The following PARP8 variants were observed in gnomAD, a reference collection of about 807,000 sequenced individuals.
The protein encoded by PARP8 is poly(ADP-ribose) polymerase family member 8.
PARP8 carries 51 observed loss-of-function variants against 124.1 expected under a neutral mutation model. The observed-to-expected ratio is 0.41, with a 90% CI of 0.33 to 0.52. PARP8 has a LOEUF of 0.52. Among genes scored for constraint, PARP8 ranks in the 20% least tolerant of loss-of-function variants. The pLI is 0.21. For missense variants in PARP8, 860 were observed against 1,018.9 expected (o/e 0.84, Z 2.12); for synonymous variants, 391 against 361.5 (o/e 1.08, Z -0.93).
intron 14 of PARP8, among the ~76,000 whole-genome samples, chr5:50,799,177 C>G (rs1742908978): frequency 1.3e-5 from 2 of 152,092 alleles, no homozygotes; most frequent in Admixed American, 1.3e-4. Context: ...CTTATGTTTC[C>G]CTCTAAGAAT....
chr5:50,715,860 T>C (rs968059614), intron 2 of PARP8, among the ~76,000 whole-genome samples: 1 of 151,914 alleles, frequency 6.6e-6, no homozygotes, highest in African/African-American at 2.4e-5. Flanking sequence ...ATAACCTTTT[T>C]TAAAAAAATA....
At chr5:50,796,075 T>C (rs1742514301) in intron 12 of PARP8, among the ~76,000 whole-genome samples, 1 of 152,240 alleles carries the variant, frequency 6.6e-6, no homozygotes, top group South Asian at 2.1e-4. Context: ...ATCGCTAGCA[T>C]GATTGGCATG....
chr5:50,713,652 A>T (rs1326996808), intron 2 of PARP8, among the ~76,000 whole-genome samples: 1 of 152,038 alleles, frequency 6.6e-6, no homozygotes, highest in Non-Finnish European at 1.5e-5. Flanking sequence ...GGAACTTGTG[A>T]ACATATTACC....
intron 2 of PARP8, among the ~76,000 whole-genome samples, chr5:50,703,904 TA>T (rs907807079): frequency 2.6e-5 from 4 of 151,870 alleles, no homozygotes; most frequent in Non-Finnish European, 5.9e-5. Flanking sequence ...TTTTTTTTTT[TA>T]AATTTCATTC....
intron 2 of PARP8, among the ~76,000 whole-genome samples, chr5:50,741,668 A>G (rs1272123314): frequency 6.6e-6 from 1 of 152,210 alleles, no homozygotes; most frequent in Non-Finnish European, 1.5e-5. Context: ...AAAAATTACC[A>G]AAATAAGTTT....
At chr5:50,795,832 T>A (rs1240495683) in intron 12 of PARP8, among the ~76,000 whole-genome samples, 1 of 152,228 alleles carries the variant, frequency 6.6e-6, no homozygotes, top group African/African-American at 2.4e-5. Context: ...TGAGAATAAT[T>A]CCCTTTCAAT....
intron 7 of PARP8, among the ~76,000 whole-genome samples, chr5:50,764,008 G>A (rs1454099387): frequency 2.0e-5 from 3 of 152,120 alleles, no homozygotes; most frequent in Admixed American, 6.5e-5. Flanking sequence ...TGCATAAGCC[G>A]TTCTTTGATC....
chr5:50,771,903 A>G (rs1326082761), intron 7 of PARP8, among the ~76,000 whole-genome samples: 1 of 152,182 alleles, frequency 6.6e-6, no homozygotes, highest in African/African-American at 2.4e-5. Flanking sequence ...TTTGAAATAT[A>G]TATCATACTA....
intron 2 of PARP8, among the ~76,000 whole-genome samples, chr5:50,749,651 AATATTAC>A (rs1759009511): frequency 6.6e-6 from 1 of 152,138 alleles, no homozygotes; most frequent in African/African-American, 2.4e-5. Context: ...AAAGATTGAT[AATATTAC>A]TTATACTTCC....
chr5:50,841,019 G>T (rs1196964828), intron 25 of PARP8, among the ~76,000 whole-genome samples: 1 of 151,826 alleles, frequency 6.6e-6, no homozygotes, highest in Non-Finnish European at 1.5e-5. Flanking sequence ...TACATAAGGA[G>T]CCAAGTTCTC....
At chr5:50,769,093 A>C (rs1244982164) in intron 7 of PARP8, among the ~76,000 whole-genome samples, 1 of 152,168 alleles carries the variant, frequency 6.6e-6, no homozygotes, top group Non-Finnish European at 1.5e-5. Context: ...GAGTGTTAGA[A>C]ATTGGGAAGA....
At chr5:50,719,851 C>T (rs1315378756) in intron 2 of PARP8, among the ~76,000 whole-genome samples, 3 of 151,994 alleles carry the variant, frequency 2.0e-5, no homozygotes, top group East Asian at 1.9e-4. Context: ...TAACAAAACA[C>T]GCAGTACATC....
intron 2 of PARP8, among the ~76,000 whole-genome samples, chr5:50,723,472 GCCTTT>G (rs1756117065): frequency 1.3e-5 from 2 of 151,992 alleles, no homozygotes; most frequent in African/African-American, 4.8e-5. Flanking sequence ...ATGAGAAGAG[GCCTTT>G]CCTTTCTAAA....
intron 2 of PARP8, among the ~76,000 whole-genome samples, chr5:50,723,220 C>A (rs1014131212): frequency 6.6e-6 from 1 of 151,938 alleles, no homozygotes; most frequent in Admixed American, 6.6e-5. Flanking sequence ...TTGTGTACAT[C>A]GAAAGTCTCA....
At chr5:50,798,885 A>G (rs992168815) in intron 14 of PARP8, among the ~76,000 whole-genome samples, 6 of 152,226 alleles carry the variant, frequency 3.9e-5, no homozygotes, top group African/African-American at 7.2e-5. Context: ...AGAAATGCCT[A>G]TTTAAATCCT....
intron 2 of PARP8, among the ~76,000 whole-genome samples, chr5:50,681,242 A>G (rs1412692653): frequency 6.6e-6 from 1 of 152,150 alleles, no homozygotes; most frequent in Non-Finnish European, 1.5e-5. Context: ...AATTGTTTTC[A>G]TAAGATACAA....
intron 7 of PARP8, among the ~76,000 whole-genome samples, chr5:50,771,420 A>C (rs1761618720): frequency 6.6e-6 from 1 of 152,154 alleles, no homozygotes; most frequent in African/African-American, 2.4e-5. Context: ...CGGCCTCCCA[A>C]AGTGCTGGGA....
At chr5:50,792,268 T>G (rs546381284) in intron 10 of PARP8, among the ~76,000 whole-genome samples, 1 of 152,246 alleles carries the variant, frequency 6.6e-6, no homozygotes, top group Admixed American at 6.5e-5. Context: ...AGGAGGTGGT[T>G]GTTATACCAA....
At chr5:50,752,983 G>C (rs1172245101) in intron 3 of PARP8, among the ~76,000 whole-genome samples, 1 of 151,994 alleles carries the variant, frequency 6.6e-6, no homozygotes, top group East Asian at 1.9e-4. Flanking sequence ...TGAAAATTTA[G>C]AGGGCCTTTG....
Sources: allele counts gnomAD v4.1 joint callset (sites outside exome capture counted in the v4.1 genomes callset), GRCh38; gene constraint gnomAD v4.1.1; transcripts MANE v1.5; gene names NCBI Gene and HGNC (gene_info 2026-07-23, HGNC 2026-07-21).